FRMD4A: variants seen among roughly 807,000 people sequenced by gnomAD.
The protein encoded by FRMD4A is FERM domain containing 4A, also known as FERM domain-containing protein 4A.
Under a neutral mutation model 129.1 loss-of-function variants are expected in FRMD4A, and 29 were observed. That is an observed-to-expected ratio of 0.22 (90% CI 0.17 to 0.31). FRMD4A has a LOEUF of 0.31. FRMD4A is among the 10% of genes least tolerant of loss of function. The pLI is 1.00. For synonymous variants in FRMD4A, 634 were observed against 571.6 expected, an observed-to-expected ratio of 1.11 and a Z score of -1.56; for missense variants, 1,272 against 1,375.8, an observed-to-expected ratio of 0.92 and a Z score of 1.19.
intron 2 of FRMD4A, among the ~76,000 whole-genome samples, chr10:14,151,904 G>A (rs1479207191): frequency 6.6e-6 from 1 of 152,050 alleles, no homozygotes; most frequent in Admixed American, 6.5e-5. Context: ...GAAACTGCTT[G>A]CAGGACACTT....
chr10:14,163,956 G>A lies in FRMD4A; in HGVS notation c.45+166102C>T, dbSNP rs561319817. Reference sequence around the variant, plus strand: ...TCTGCAAGTGCAGTGTGGTCCACCAGCCCCGAGGCGTGGCTACCCAGCGCC... The same window carrying A: ...TCTGCAAGTGCAGTGTGGTCCACCAACCCCGAGGCGTGGCTACCCAGCGCC... On this transcript the variant is annotated intron_variant, in intron 2 of 24. Coordinates refer to ENST00000357447, the MANE Select transcript of FRMD4A (RefSeq NM_018027.5). Among the ~76,000 whole-genome samples the A allele has an allele frequency of 4.6e-5, 7 of 152,288 alleles. No individual in the cohort carries two copies. The East Asian group carries it at 1.4e-3, about 29-fold the overall frequency.
intron 2 of FRMD4A, among the ~76,000 whole-genome samples, chr10:14,009,655 T>C (rs1427702073): frequency 2.0e-5 from 3 of 152,230 alleles, no homozygotes; most frequent in Non-Finnish European, 4.4e-5. Flanking sequence ...GCGCACGGGC[T>C]GGAAACCTGG....
chr10:14,045,878 T>C (rs1429495694), intron 2 of FRMD4A, among the ~76,000 whole-genome samples: 1 of 146,822 alleles, frequency 6.8e-6, no homozygotes, highest in Non-Finnish European at 1.5e-5. Context: ...ATATTATATA[T>C]GGTATAATTA....
intron 2 of FRMD4A, among the ~76,000 whole-genome samples, chr10:13,995,324 C>G (rs764662026): frequency 2.0e-5 from 3 of 152,208 alleles, no homozygotes; most frequent in Non-Finnish European, 4.4e-5. Context: ...TGGATCACAC[C>G]TGTAATCCCA....
At chr10:13,929,410 C>T (rs977945271) in intron 2 of FRMD4A, among the ~76,000 whole-genome samples, 6 of 152,206 alleles carry the variant, frequency 3.9e-5, no homozygotes, top group Non-Finnish European at 7.3e-5. Flanking sequence ...CCGCCTACTA[C>T]GCCCTGGGTC....
chr10:14,250,202 C>A (rs1033285532), intron 2 of FRMD4A, among the ~76,000 whole-genome samples: 9 of 152,170 alleles, frequency 5.9e-5, no homozygotes, highest in Admixed American at 1.3e-4. Context: ...CTCAGGTGCT[C>A]TGCCTGCCTC....
chr10:13,698,306 G>T (rs1207671240), intron 14 of FRMD4A, among the ~76,000 whole-genome samples: 1 of 152,180 alleles, frequency 6.6e-6, no homozygotes, highest in African/African-American at 2.4e-5. Context: ...GCTCTTCAGA[G>T]AAAGGAATGG....
intron 2 of FRMD4A, among the ~76,000 whole-genome samples, chr10:14,017,832 T>C (rs751687154): frequency 5.2e-4 from 79 of 152,306 alleles, no homozygotes; most frequent in Non-Finnish European, 8.2e-4. Flanking sequence ...GCATCTTGAA[T>C]CTGTTAGAAA....
At chr10:13,990,018 G>A (rs1442532151) in intron 2 of FRMD4A, among the ~76,000 whole-genome samples, 4 of 152,126 alleles carry the variant, frequency 2.6e-5, no homozygotes, top group African/African-American at 7.2e-5. Context: ...ATTTAGATTC[G>A]CTCTGGAGAG....
At chr10:14,095,092 T>C (rs1362260898) in intron 2 of FRMD4A, among the ~76,000 whole-genome samples, 1 of 152,156 alleles carries the variant, frequency 6.6e-6, no homozygotes, top group African/African-American at 2.4e-5. Context: ...TTGATGTGAA[T>C]TGACTCTGAA....
At chr10:14,146,445 G>A (rs1840078881) in intron 2 of FRMD4A, among the ~76,000 whole-genome samples, 1 of 152,114 alleles carries the variant, frequency 6.6e-6, no homozygotes, top group Non-Finnish European at 1.5e-5. Context: ...ATGACTTAAT[G>A]CACTACACAG....
In FRMD4A at chr10:14,327,233, C is replaced by T. The variant is rs543463208; in HGVS notation, c.45+2825G>A. ...GTATGAATGAACACTAATGATCATCCGTGTCAGCTAATAATATGAAACATA... is the reference window on the plus strand; with the variant it reads ...GTATGAATGAACACTAATGATCATCTGTGTCAGCTAATAATATGAAACATA... On this transcript the variant is annotated intron_variant, in intron 2 of 24. Coordinates refer to ENST00000357447, the MANE Select transcript of FRMD4A (RefSeq NM_018027.5). Among the ~76,000 whole-genome samples the T allele has an allele frequency of 3.3e-5, 5 of 152,332 alleles. 1 individual carries two copies. In the South Asian group the frequency reaches 8.3e-4, roughly 25 times the overall value.
In FRMD4A at chr10:13,678,109, C is replaced by A. The variant is rs1381137320; in HGVS notation, c.1118-3065G>T. Reference sequence around the variant, plus strand: ...AGTTATGGGATTAGTTAAGATTTGGCCCTGAGTTCCAGGGCTCATTAATGC... The same window carrying A: ...AGTTATGGGATTAGTTAAGATTTGGACCTGAGTTCCAGGGCTCATTAATGC... On this transcript the variant is annotated intron_variant, in intron 15 of 24. Coordinates refer to ENST00000357447, the MANE Select transcript of FRMD4A (RefSeq NM_018027.5). Among the ~76,000 whole-genome samples the A allele has an allele frequency of 2.0e-5, 3 of 152,102 alleles. No individual in the cohort carries two copies. The East Asian group carries it at 5.8e-4, about 29-fold the overall frequency.
intron 3 of FRMD4A, among the ~76,000 whole-genome samples, chr10:13,840,691 G>A (rs538431956): frequency 1.3e-5 from 2 of 151,620 alleles, no homozygotes; most frequent in East Asian, 3.9e-4. Flanking sequence ...GGGACGCTGA[G>A]GCATGAGAAT....
At chr10:13,715,695 C>A (rs2088713728) in intron 12 of FRMD4A, among the ~76,000 whole-genome samples, 1 of 152,068 alleles carries the variant, frequency 6.6e-6, no homozygotes, top group Non-Finnish European at 1.5e-5. Flanking sequence ...CATCTGAGGT[C>A]AGGAGTTTGA....
intron 2 of FRMD4A, among the ~76,000 whole-genome samples, chr10:14,030,648 G>T (rs1192157478): frequency 6.6e-6 from 1 of 152,186 alleles, no homozygotes; most frequent in African/African-American, 2.4e-5. Flanking sequence ...GTCTGCTCCA[G>T]CTATCTCTTG....
intron 2 of FRMD4A, among the ~76,000 whole-genome samples, chr10:13,910,423 G>T (rs77311407): frequency 6.6e-6 from 1 of 152,334 alleles, no homozygotes; most frequent in Non-Finnish European, 1.5e-5. Flanking sequence ...ACAGATGCAT[G>T]AGGGAGAGGA....
chr10:13,935,637 G>A (rs946579809), intron 2 of FRMD4A, among the ~76,000 whole-genome samples: 5 of 152,018 alleles, frequency 3.3e-5, no homozygotes, highest in Non-Finnish European at 5.9e-5. Context: ...CAGTGGTGAC[G>A]TGAAGCAAGG....
intron 2 of FRMD4A, among the ~76,000 whole-genome samples, chr10:13,935,840 C>T (rs1056506380): frequency 6.6e-6 from 1 of 152,216 alleles, no homozygotes; most frequent in African/African-American, 2.4e-5. Flanking sequence ...TCAAAACATG[C>T]CTTCTGCAAG....
Sources: gnomAD v4.1 joint callset for allele counts (sites outside exome capture counted in the v4.1 genomes callset) on GRCh38, gnomAD v4.1.1 for gene constraint, MANE v1.5 for transcripts, NCBI Gene and HGNC (gene_info 2026-07-23, HGNC 2026-07-21) for gene names.